CTSH: variants seen among roughly 807,000 people sequenced by gnomAD.
CTSH encodes the protein cathepsin H.
A neutral mutation model predicts 56.3 loss-of-function variants in CTSH; 52 were observed. That is an observed-to-expected ratio of 0.92 (90% CI 0.74 to 1.16). The LOEUF is 1.16. Ranked by LOEUF, CTSH falls within the 50% of genes most tolerant of loss-of-function variation. The pLI, the probability that CTSH is intolerant of heterozygous loss-of-function variation, is 0.00. For synonymous variants in CTSH, 174 were observed against 155.7 expected (o/e 1.12, Z -0.88); for missense variants, 406 against 424.5 (o/e 0.96, Z 0.38).
At chr15:78,936,244 C>T (rs1388443850) in intron 3 of CTSH, among the ~76,000 whole-genome samples, 23 of 146,168 alleles carry the variant, frequency 1.6e-4, no homozygotes, top group African/African-American at 4.6e-4. Flanking sequence ...GGCAGGGACG[C>T]GATCTTGGCT....
chr15:78,942,521 C>T lies in CTSH; in HGVS notation c.91+2370G>A, dbSNP rs191257757. 2.0e-4 allele frequency among the ~76,000 whole-genome samples: 30 copies of T among 152,304 alleles called. 1 individual carries two copies. Among genetic ancestry groups the T allele is most frequent in the Admixed American group, 1.7e-3 (26 of 15,298 alleles). ...AGCCCCCACGCCTGGCCTCACTCAA[C>T]ATTATTTTTAAGACCTCATCAGTTG... On this transcript the variant is annotated intron_variant, in intron 1 of 11. Transcript: ENST00000220166.
At chr15:78,941,286 G>A (rs1419697719) in intron 1 of CTSH, among the ~76,000 whole-genome samples, 3 of 151,322 alleles carry the variant, frequency 2.0e-5, no homozygotes, top group Admixed American at 6.6e-5. Flanking sequence ...TAAGCCAGAC[G>A]TGGTGGCATG....
At chr15:78,929,320 G>A (rs2289696) in intron 8 of CTSH, 92 bp downstream of exon 8, 16,146 of 950,746 alleles carry the variant, frequency 0.017, 186 homozygotes, top group Non-Finnish European at 0.022. Flanking sequence ...GGAGGGAGGT[G>A]GGGGGAGAAG....
At chr15:78,943,149 C>A (rs1223696093) in intron 1 of CTSH, among the ~76,000 whole-genome samples, 1 of 152,108 alleles carries the variant, frequency 6.6e-6, no homozygotes, top group Non-Finnish European at 1.5e-5. Context: ...GTGAACCGTG[C>A]CTTACCCTAA....
intron 8 of CTSH, among the ~76,000 whole-genome samples, chr15:78,928,110 AAAC>A (rs2054953436): frequency 2.0e-5 from 3 of 152,192 alleles, no homozygotes; most frequent in Non-Finnish European, 2.9e-5. Flanking sequence ...TCAGCCCAAA[AAAC>A]AATGCTGGCA....
chr15:78,927,367 CCCT>C (rs2054930731), intron 9 of CTSH: 1 of 337,982 alleles, frequency 3.0e-6, no homozygotes, highest in Admixed American at 4.5e-5. Flanking sequence ...CACACACTCA[CCCT>C]CCTCAGTTTC....
At chr15:78,938,617 A>G (rs2055225333) in intron 2 of CTSH, among the ~76,000 whole-genome samples, 2 of 152,192 alleles carry the variant, frequency 1.3e-5, no homozygotes, top group African/African-American at 4.8e-5. Flanking sequence ...TTATGGCTGA[A>G]TAATATTCCA....
rs2055237701 is a variant in CTSH, at chr15:78,939,191, A to AT, written c.92-21dup. 1.3e-6 allele frequency: 2 copies of AT among 1,590,204 alleles called. No homozygotes were observed. Among genetic ancestry groups the AT allele is most frequent in the South Asian group, 2.3e-5 (2 of 86,206 alleles). On this transcript the variant is annotated intron_variant, in intron 1 of 11. Coordinates refer to ENST00000220166, the MANE Select transcript of CTSH (RefSeq NM_004390.5). ...ACTTCTCTGTAAAAAGAAAAAAAAA[A>AT]TTAGGTCTGGGCGCATCACAGTAAT...
intron 7 of CTSH, among the ~76,000 whole-genome samples, chr15:78,929,771 T>C (rs999673398): frequency 3.9e-5 from 6 of 152,122 alleles, no homozygotes; most frequent in African/African-American, 1.4e-4. Context: ...CCCCACACCA[T>C]GGTCAACAGC....
chr15:78,943,344 C>G (rs1440493324), intron 1 of CTSH, among the ~76,000 whole-genome samples: 2 of 152,028 alleles, frequency 1.3e-5, no homozygotes, highest in East Asian at 3.9e-4. Flanking sequence ...TTCTCCTGCC[C>G]CAGCCTCCTG....
At chr15:78,931,725 G>C (rs2055065277) in intron 6 of CTSH, 2 of 1,437,046 alleles carry the variant, frequency 1.4e-6, no homozygotes, top group African/African-American at 2.9e-5. Context: ...AGTAAGCAGG[G>C]GCAGCCAGGG....
Position 78,927,728 on chromosome 15 carries a change from T to C in CTSH, c.684A>G (p.Val228=), listed in dbSNP as rs753893201. The C allele has an allele frequency of 1.2e-6, 2 of 1,614,136 alleles. No individual in the cohort carries two copies. Among genetic ancestry groups the C allele is most frequent in the East Asian group, 2.2e-5 (1 of 44,884 alleles). ...CGGCACTCACGATTGTGATGTTGGC[T>C]ACATCCTTGACAAAGCCGATGGCCT... ...PGKAIGFVKD[V]ANITIYDEEA... is the part of the protein sequence containing the mutation. The change falls in exon 9 of 12, where the codon GTA becomes GTG. Residue 228 remains valine (V), a synonymous_variant. Coordinates refer to ENST00000220166, the MANE Select transcript of CTSH (RefSeq NM_004390.5).
At chr15:78,927,499 C>CGACGT in intron 9 of CTSH, 1 of 566,174 alleles carries the variant, frequency 1.8e-6, no homozygotes, top group South Asian at 2.3e-5. Context: ...ATCTGGAGTT[C>CGACGT]AGAACCAGAG....
chr15:78,922,619 C>G (rs142415229), intron 11 of CTSH, among the ~76,000 whole-genome samples: 2 of 152,300 alleles, frequency 1.3e-5, no homozygotes, highest in East Asian at 3.9e-4. Context: ...CCTTTTCTCC[C>G]GGAAGGAGGG....
chr15:78,945,036 G>C lies in CTSH; in HGVS notation c.-55C>G. On this transcript the variant is annotated 5_prime_UTR_variant, in exon 1 of 12. Coordinates refer to ENST00000220166, the MANE Select transcript of CTSH (RefSeq NM_004390.5). Reference sequence around the variant, plus strand: ...CAGGGTCCGCGGAGGTGGCGGCCCAGAGCGTCAACTGGGAGCGCGGGGGGG... The same window carrying C: ...CAGGGTCCGCGGAGGTGGCGGCCCACAGCGTCAACTGGGAGCGCGGGGGGG... 1.4e-6 allele frequency: 2 copies of C among 1,409,070 alleles called. No individual in the cohort carries two copies. The highest frequency in any genetic ancestry group is 1.9e-6 in the Non-Finnish European group (2 of 1,070,134). The allele number at this position is 1,409,070 out of a possible 1,614,324, so 87.3% of individuals were successfully genotyped here. A position where few individuals can be genotyped will look rare whatever the true frequency, so the allele number is the denominator to read the frequency against.
At position 78,924,213 on chromosome 15, in the gene CTSH, C is replaced by T. The variant is rs568549987; in HGVS notation, c.807-1095G>A. Among the ~76,000 whole-genome samples the T allele has an allele frequency of 9.9e-5, 15 of 151,176 alleles. No homozygotes were observed. In the East Asian group the frequency reaches 1.4e-3, roughly 14 times the overall value. On this transcript the variant is annotated intron_variant, in intron 10 of 11. Coordinates refer to ENST00000220166, the MANE Select transcript of CTSH (RefSeq NM_004390.5). ...CTGGGGTGGGGGCTGCAGGGTGGAA[C>T]GGCGGGGACGGGTTTGATGGCAGAT...
intron 1 of CTSH, among the ~76,000 whole-genome samples, chr15:78,939,677 C>G (rs887075029): frequency 4.6e-5 from 7 of 152,160 alleles, no homozygotes; most frequent in African/African-American, 1.7e-4. Context: ...TGCCTGAGGT[C>G]AGGGGTTCAA....
intron 1 of CTSH, 173 bp downstream of exon 1, chr15:78,944,718 C>T (rs1263507160): frequency 8.0e-7 from 1 of 1,248,308 alleles, no homozygotes; most frequent in African/African-American, 1.6e-5. Context: ...TCCGAGAACC[C>T]CCGCCTATAA....
chr15:78,931,338 C>T (rs965136400), intron 7 of CTSH, 113 bp downstream of exon 7: 29 of 1,387,626 alleles, frequency 2.1e-5, no homozygotes, highest in African/African-American at 4.3e-5. Context: ...ATTTTGCCAT[C>T]GCCCAGGGCA....
Sources: allele counts gnomAD v4.1 joint callset (sites outside exome capture counted in the v4.1 genomes callset), GRCh38; gene constraint gnomAD v4.1.1; transcripts MANE v1.5; gene names NCBI Gene and HGNC (gene_info 2026-07-23, HGNC 2026-07-21).